The following ACBD6 variants were observed in gnomAD, a reference collection of about 807,000 sequenced individuals.
The protein encoded by ACBD6 is acyl-CoA-binding domain-containing protein 6.
A neutral mutation model predicts 37.2 loss-of-function variants in ACBD6; 28 were observed. The observed-to-expected ratio is 0.75, with a 90% CI of 0.56 to 1.03. The LOEUF is 1.03. ACBD6 is among the 50% of genes least tolerant of loss of function. ACBD6 has a pLI of 0.00. For synonymous variants in ACBD6, 113 were observed against 126.8 expected (o/e 0.89, Z 0.73); for missense variants, 340 against 337.4 (o/e 1.01, Z -0.06).
rs753095277 is a variant in ACBD6, at chr1:180,430,269, G to A, written c.385-7C>T. 1 of 1,611,392 alleles carries A rather than the reference G, an allele frequency of 6.2e-7. No homozygotes were observed. Among genetic ancestry groups the A allele is most frequent in the Admixed American group, 1.7e-5 (1 of 59,980 alleles). ...TTCCTTTCTTCTCTGGTATCTGTGG[G>A]AAGGAGAAAAAAAAGTGAAAAAAAG... On this transcript the variant is annotated splice_region_variant and splice_polypyrimidine_tract_variant and intron_variant, in intron 3 of 7. Coordinates refer to ENST00000367595, the MANE Select transcript of ACBD6 (RefSeq NM_032360.4).
intron 6 of ACBD6, among the ~76,000 whole-genome samples, chr1:180,320,047 T>C (rs902460701): frequency 1.5e-4 from 23 of 152,176 alleles, no homozygotes; most frequent in Admixed American, 2.0e-4. Context: ...GATCCTATGA[T>C]AGCTCTATTT....
chr1:180,498,375 T>C (rs569769287), intron 1 of ACBD6, among the ~76,000 whole-genome samples: 493 of 152,350 alleles, frequency 3.2e-3, no homozygotes, highest in Non-Finnish European at 5.4e-3. Flanking sequence ...TGAGTAGGTA[T>C]AATTATCTGT....
At chr1:180,283,411 G>T (rs937115810), downstream of ACBD6, among the ~76,000 whole-genome samples, 4 of 152,120 alleles carry the variant, frequency 2.6e-5, no homozygotes, top group African/African-American at 9.7e-5. Flanking sequence ...TGAGTGCCTA[G>T]AGCTCCACCA....
chr1:180,366,975 C>T (rs1025856624), intron 6 of ACBD6, among the ~76,000 whole-genome samples: 24 of 152,182 alleles, frequency 1.6e-4, no homozygotes, highest in African/African-American at 4.6e-4. Flanking sequence ...CACTTACTAG[C>T]TTTGTGTCCT....
Position 180,397,570 on chromosome 1 carries a change from T to G in ACBD6, c.609A>C (p.Gly203=). 6.2e-7 allele frequency: 1 copy of G among 1,614,098 alleles called. No homozygotes were observed. Among genetic ancestry groups the G allele is most frequent in the South Asian group, 1.1e-5 (1 of 91,078 alleles). Residue 203 remains glycine (G), a synonymous_variant, in exon 6 of 8, where the codon GGA becomes GGC. Coordinates refer to ENST00000367595, the MANE Select transcript of ACBD6 (RefSeq NM_032360.4). ...RALLHWACDR[G]HKELVTVLLQ... ...GCAACACTGTGACTAGTTCCTTATGTCCTCGATCACAGGCCCAGTGAAGTA... is the reference window on the plus strand; with the variant it reads ...GCAACACTGTGACTAGTTCCTTATGGCCTCGATCACAGGCCCAGTGAAGTA...
intron 9 of ACBD6, chr1:180,277,664 C>T (rs1380275053): frequency 6.6e-6 from 1 of 152,184 alleles, no homozygotes; most frequent in African/African-American, 2.4e-5. Context: ...GTTCTTGGCC[C>T]TTCAAGGACT....
intron 6 of ACBD6, among the ~76,000 whole-genome samples, chr1:180,379,493 A>C (rs925406255): frequency 6.6e-6 from 1 of 152,226 alleles, no homozygotes; most frequent in Non-Finnish European, 1.5e-5. Flanking sequence ...CTGAAAAACA[A>C]CACACAGAAA....
intron 6 of ACBD6, among the ~76,000 whole-genome samples, chr1:180,387,010 T>C (rs1378889296): frequency 2.0e-5 from 3 of 152,210 alleles, no homozygotes; most frequent in Non-Finnish European, 4.4e-5. Context: ...TATTTAAATC[T>C]TCTAGTTTAG....
At chr1:180,501,942 G>C in intron 1 of ACBD6, 103 bp downstream of exon 1, 2 of 1,070,244 alleles carry the variant, frequency 1.9e-6, no homozygotes, top group Admixed American at 2.0e-5. Flanking sequence ...ACATACACAA[G>C]CTTCATTACA....
chr1:180,314,550 C>T (rs1416360300), intron 7 of ACBD6, 142 bp downstream of exon 7: 14 of 680,542 alleles, frequency 2.1e-5, no homozygotes, highest in Admixed American at 1.9e-4. Flanking sequence ...CGGCCTAATA[C>T]ATTTTTTTGA....
At chr1:180,338,767 T>A (rs928239422) in intron 6 of ACBD6, among the ~76,000 whole-genome samples, 9 of 152,104 alleles carry the variant, frequency 5.9e-5, no homozygotes, top group Non-Finnish European at 1.0e-4. Context: ...GAGAAAATGT[T>A]TGCAATCTAC....
intron 7 of ACBD6, among the ~76,000 whole-genome samples, chr1:180,293,876 G>A (rs907982918): frequency 6.6e-6 from 1 of 151,808 alleles, no homozygotes; most frequent in African/African-American, 2.4e-5. Context: ...CTCCCAGCTG[G>A]GACTAAAGGC....
At chr1:180,274,512 T>C (rs2149268982) in intron 10 of ACBD6, 1 of 1,610,414 alleles carries the variant, frequency 6.2e-7, no homozygotes, top group Middle Eastern at 1.7e-4. Flanking sequence ...GGAAGCAGTG[T>C]AGGCTATCCC....
At chr1:180,448,793 A>T (rs1433248743) in intron 3 of ACBD6, among the ~76,000 whole-genome samples, 1 of 152,178 alleles carries the variant, frequency 6.6e-6, no homozygotes, top group Non-Finnish European at 1.5e-5. Flanking sequence ...CTTCCTTCTA[A>T]AGAGATGCCA....
intron 3 of ACBD6, among the ~76,000 whole-genome samples, chr1:180,443,554 G>A (rs922827081): frequency 2.0e-5 from 3 of 152,132 alleles, no homozygotes; most frequent in Admixed American, 2.0e-4. Flanking sequence ...CCTCCTTGCA[G>A]CCTGGAAAAT....
At chr1:180,279,441 C>A (rs1396245867) in intron 9 of ACBD6, among the ~76,000 whole-genome samples, 1 of 152,094 alleles carries the variant, frequency 6.6e-6, no homozygotes, top group Non-Finnish European at 1.5e-5. Context: ...GGATTACAGG[C>A]ATGCGCAAAC....
downstream of ACBD6, among the ~76,000 whole-genome samples, chr1:180,286,121 TG>T (rs1262425034): frequency 6.6e-6 from 1 of 152,160 alleles, no homozygotes. Flanking sequence ...CACAGGGAGA[TG>T]ATCTATAGAT....
chr1:180,404,854 A>G (rs1346848158), intron 5 of ACBD6, among the ~76,000 whole-genome samples: 2 of 152,204 alleles, frequency 1.3e-5, no homozygotes, highest in Non-Finnish European at 2.9e-5. Context: ...AAATACCCAA[A>G]ATAAGTTGCC....
chr1:180,344,589 A>G (rs1652102953), intron 6 of ACBD6, among the ~76,000 whole-genome samples: 2 of 152,260 alleles, frequency 1.3e-5, no homozygotes, highest in Non-Finnish European at 2.9e-5. Context: ...TCACTGCAGT[A>G]AAGAAAAAGG....
Sources: gnomAD v4.1 joint callset for allele counts (sites outside exome capture counted in the v4.1 genomes callset) on GRCh38, gnomAD v4.1.1 for gene constraint, MANE v1.5 for transcripts, NCBI Gene and HGNC (gene_info 2026-07-23, HGNC 2026-07-21) for gene names.